The following RCOR2 variants were observed in gnomAD, a reference collection of about 807,000 sequenced individuals.
The protein encoded by RCOR2 is REST corepressor 2.
RCOR2 carries 19 observed loss-of-function variants against 58.9 expected under a neutral mutation model. The observed-to-expected ratio is 0.32, with a 90% CI of 0.23 to 0.47. RCOR2 has a LOEUF of 0.47. Among genes scored for constraint, RCOR2 ranks in the 20% least tolerant of loss-of-function variants. The probability of loss-of-function intolerance (pLI) is 1.00; values close to 1 mark genes in which losing one functional copy is unlikely to be tolerated. For synonymous variants in RCOR2, 286 were observed against 278.7 expected (o/e 1.03, Z -0.26); for missense variants, 590 against 707.9 (o/e 0.83, Z 1.89).
At position 63,911,834 on chromosome 11, in the gene RCOR2, G is replaced by A. The variant is rs1016490678; in HGVS notation, c.*31C>T. 56 of 1,483,738 alleles carry A rather than the reference G, an allele frequency of 3.8e-5. No individual in the cohort carries two copies. The highest frequency in any genetic ancestry group is 4.2e-5 in the Non-Finnish European group (48 of 1,129,782). 91.9% of individuals were successfully genotyped at this position (1,483,738 alleles called of 1,614,324 possible). ...TGGGGATGGCCAGCAAAGGGGTCCT[G>A]GAGCCCGTGGTTGGTGGAGGACGTC... On this transcript the variant is annotated 3_prime_UTR_variant, in exon 12 of 12. Transcript: ENST00000301459.
chr11:63,912,859 A>G lies in RCOR2; in HGVS notation c.969+11T>C. 2.5e-6 allele frequency: 4 copies of G among 1,613,300 alleles called. No individual in the cohort carries two copies. The highest frequency in any genetic ancestry group is 3.4e-6 in the Non-Finnish European group (4 of 1,179,624). On this transcript the variant is annotated intron_variant, in intron 9 of 11. Coordinates refer to ENST00000301459, the MANE Select transcript of RCOR2 (RefSeq NM_173587.4). Reference sequence around the variant, plus strand: ...CCCCCCTTTGCACCCTAACTTAAAGAGCAGCCATACCTCCGGGGGGCGTAG... The same window carrying G: ...CCCCCCTTTGCACCCTAACTTAAAGGGCAGCCATACCTCCGGGGGGCGTAG...
Position 63,916,461 on chromosome 11 carries a change from C to T in RCOR2, c.-5G>A, listed in dbSNP as rs758406708. Reference sequence around the variant, plus strand: ...CTTCTCCATCACTGAGGGCATTACCCCGCCCAGCTGCCCCGGGGGGCGCAG... The same window carrying T: ...CTTCTCCATCACTGAGGGCATTACCTCGCCCAGCTGCCCCGGGGGGCGCAG... On this transcript the variant is annotated 5_prime_UTR_variant, in exon 1 of 12. Transcript: ENST00000301459. 3.7e-6 allele frequency: 6 copies of T among 1,605,458 alleles called. No homozygotes were observed. The South Asian group carries it at 6.7e-5, about 18-fold the overall frequency.
upstream of RCOR2, among the ~76,000 whole-genome samples, chr11:63,919,833 C>T (rs551722980): frequency 2.0e-3 from 308 of 152,386 alleles, 3 homozygotes; most frequent in African/African-American, 7.2e-3. Flanking sequence ...TTTTCGAGGG[C>T]TGCAGGCCAG....
chr11:63,916,475 CG>C lies in RCOR2; in HGVS notation c.-20del. 2 of 1,600,790 alleles carry C rather than the reference CG, an allele frequency of 1.2e-6. No individual in the cohort carries two copies. The highest frequency in any genetic ancestry group is 1.7e-5 in the Admixed American group (1 of 58,774). On this transcript the variant is annotated 5_prime_UTR_variant, in exon 1 of 12. Transcript: ENST00000301459. ...AGGGCATTACCCCGCCCAGCTGCCC[CG>C]GGGGGCGCAGGAGCCTTCGGAGAGC...
In RCOR2 at chr11:63,912,879, G is replaced by C. The variant is rs781101247; in HGVS notation, c.960C>G (p.Arg320=). 1 of 1,613,712 alleles carries C rather than the reference G, an allele frequency of 6.2e-7. No homozygotes were observed. Among genetic ancestry groups the C allele is most frequent in the Admixed American group, 1.7e-5 (1 of 59,980 alleles). ...QALEGGIDPL[R]PPEANTKFNS... The stretch of plus-strand genomic sequence containing the variant: ...TAAAGAGCAGCCATACCTCCGGGGG[G>C]CGTAGTGGATCAATACCGCCCTCCA... The change falls in exon 9 of 12, where the codon CGC becomes CGG. Residue 320 remains arginine, a synonymous_variant. Transcript: ENST00000301459.
chr11:63,914,427 T>C lies in RCOR2; in HGVS notation c.595A>G (p.Lys199Glu). ...TGCTCCTGCCCCCACCTGTCTTCTT[T>C]GTCCTTGCGGCCCCCCAGCCGCCGG... Reference protein sequence around the residue: ...QARRLGGRKDKEDSDELEEGR... With the variant: ...QARRLGGRKDEEDSDELEEGR... Residue 199 changes from lysine to glutamate, a missense_variant, in exon 6 of 12, where the codon AAA (lysine) becomes GAA (glutamate). By Grantham distance (56) the Lys-to-Glu change is moderately conservative (BLOSUM62 1). Transcript: ENST00000301459. The C allele has an allele frequency of 6.2e-7, 1 of 1,613,564 alleles. No homozygotes were observed. The highest frequency in any genetic ancestry group is 8.5e-7 in the Non-Finnish European group (1 of 1,180,026).
chr11:63,924,867 T>TTTTTTTA, the RCOR2 span, among the ~76,000 whole-genome samples: 1 of 151,290 alleles, frequency 6.6e-6, no homozygotes, highest in South Asian at 2.1e-4. Flanking sequence ...TTTTTTTTTT[T>TTTTTTTA]GAGATGGAGT....
Position 63,914,488 on chromosome 11 carries a change from C to T in RCOR2, c.534G>A (p.Lys178=), listed in dbSNP as rs145394702. Residue 178 remains lysine, a synonymous_variant, in exon 6 of 12, where the codon AAG becomes AAA. Transcript: ENST00000301459. ...CCATCACACTAGTTCGGCTGCGGGTCTTCTTCCAAGAGTAGTAGTATTTCA... is the reference window on the plus strand; with the variant it reads ...CCATCACACTAGTTCGGCTGCGGGTTTTCTTCCAAGAGTAGTAGTATTTCA... ...SLVKYYYSWK[K]TRSRTSVMDR... The T allele has an allele frequency of 5.0e-6, 8 of 1,613,728 alleles. No homozygotes were observed. The highest frequency in any genetic ancestry group is 4.0e-5 in the African/African-American group (3 of 74,938).
intron 8 of RCOR2, 80 bp from the exon 9 acceptor site, chr11:63,913,027 GCA>G (rs1941800298): frequency 5.0e-6 from 6 of 1,199,708 alleles, no homozygotes; most frequent in Non-Finnish European, 7.1e-6. Context: ...CCCTACTTCT[GCA>G]CAGACACCAG....
chr11:63,915,382 G>T, intron 2 of RCOR2, 124 bp from the exon 3 acceptor site: 2 of 1,113,554 alleles, frequency 1.8e-6, no homozygotes, highest in South Asian at 1.4e-5. Context: ...GGGAAGGAGG[G>T]GCAGAGACCC....
In RCOR2 at chr11:63,914,414, CACCT is replaced by C; in HGVS notation, c.604_605+2del. On this transcript the variant is annotated splice_donor_variant and coding_sequence_variant, in exon 6 of 12. Transcript: ENST00000301459. LOFTEE classifies it high-confidence loss of function. ...CATGCCCAGTGCTTGCTCCTGCCCC[CACCT>C]GTCTTCTTTGTCCTTGCGGCCCCCC... 1 of 1,613,536 alleles carries C rather than the reference CACCT, an allele frequency of 6.2e-7. No individual in the cohort carries two copies. Among genetic ancestry groups the C allele is most frequent in the Non-Finnish European group, 8.5e-7 (1 of 1,180,038 alleles).
chr11:63,912,932 G>T lies in RCOR2; in HGVS notation c.907C>A (p.Gln303Lys). The change falls in exon 9 of 12, where the codon CAG becomes AAG. Residue 303 changes from glutamine to lysine, a missense_variant. This residue lies in a region of RCOR2 where 390 missense variants were observed against 478.7 expected (regional missense o/e 0.81). Coordinates refer to ENST00000301459, the MANE Select transcript of RCOR2 (RefSeq NM_173587.4). ...SLKRQVQSMK[Q>K]TNSSLRQALE... ...GCTTGGCGCAGGCTGCTGTTCGTCT[G>T]CTTCATGCTCTGTACCTGGGAAGGC... The T allele has an allele frequency of 6.2e-7, 1 of 1,613,240 alleles. No individual in the cohort carries two copies. Among genetic ancestry groups the T allele is most frequent in the South Asian group, 1.1e-5 (1 of 90,956 alleles).
chr11:63,926,137 C>G, the RCOR2 span, among the ~76,000 whole-genome samples: 1 of 152,114 alleles, frequency 6.6e-6, no homozygotes, highest in Non-Finnish European at 1.5e-5. Flanking sequence ...TCTCGAACTC[C>G]TGACCTCAGG....
At chr11:63,914,865 C>A in intron 4 of RCOR2, 37 bp downstream of exon 4, 1 of 1,611,976 alleles carries the variant, frequency 6.2e-7, no homozygotes, top group South Asian at 1.1e-5. Flanking sequence ...CGGCACCGTT[C>A]CACCCCATTC....
chr11:63,916,176 C>T (rs1022631813), intron 1 of RCOR2, among the ~76,000 whole-genome samples, 154 bp downstream of exon 1: 4 of 152,226 alleles, frequency 2.6e-5, no homozygotes, highest in African/African-American at 9.6e-5. Context: ...GTGCCGGCAG[C>T]CTGGGTTTGT....
upstream of RCOR2, among the ~76,000 whole-genome samples, chr11:63,917,443 C>T (rs1385709727): frequency 6.6e-6 from 1 of 152,088 alleles, no homozygotes; most frequent in Non-Finnish European, 1.5e-5. Context: ...CACCCACGCG[C>T]ACACCAACAC....
chr11:63,922,476 C>A, the RCOR2 span, among the ~76,000 whole-genome samples: 2 of 152,176 alleles, frequency 1.3e-5, no homozygotes, highest in African/African-American at 4.8e-5. Context: ...CCTCAGCCTC[C>A]CGAGTAGTGG....
chr11:63,914,590 C>T lies in RCOR2; in HGVS notation c.481-49G>A, dbSNP rs576853617. ...TGGGGACCACTCAAGACTCTGGGCC[C>T]CAGGTAAGCTCTTCAGAAAGGAGGG... On this transcript the variant is annotated intron_variant, in intron 5 of 11. Coordinates refer to ENST00000301459, the MANE Select transcript of RCOR2 (RefSeq NM_173587.4). The T allele has an allele frequency of 2.5e-6, 4 of 1,611,306 alleles. No individual in the cohort carries two copies. The East Asian group carries it at 8.9e-5, about 36-fold the overall frequency.
chr11:63,916,137 C>G (rs1003589482), intron 1 of RCOR2, among the ~76,000 whole-genome samples, 193 bp downstream of exon 1: 1 of 152,244 alleles, frequency 6.6e-6, no homozygotes, highest in African/African-American at 2.4e-5. Context: ...GCCTCCACAG[C>G]AGCTAGGGGC....
Sources: gnomAD v4.1 joint callset for allele counts (sites outside exome capture counted in the v4.1 genomes callset) on GRCh38, gnomAD v4.1.1 for gene constraint, gnomAD v4.1.1 regional missense constraint, MANE v1.5 for transcripts, NCBI Gene and HGNC (gene_info 2026-07-23, HGNC 2026-07-21) for gene names.